The following FBXO34 variants were observed in gnomAD, a reference collection of about 807,000 sequenced individuals.
FBXO34 encodes F-box only protein 34.
A neutral mutation model predicts 24.5 loss-of-function variants in FBXO34; 12 were observed. That is an observed-to-expected ratio of 0.49 (90% confidence interval 0.31 to 0.79). FBXO34 has a LOEUF of 0.79. Among genes scored for constraint, FBXO34 ranks in the 30% least tolerant of loss-of-function variants. The pLI is 0.04. For synonymous variants in FBXO34, 320 were observed against 311.9 expected (o/e 1.03, Z -0.27); for missense variants, 823 against 857.7 (o/e 0.96, Z 0.51).
At chr14:55,442,637 G>A in the FBXO34 span, among the ~76,000 whole-genome samples, 1 of 152,048 alleles carries the variant, frequency 6.6e-6, no homozygotes, top group African/African-American at 2.4e-5. Flanking sequence ...TAAGAATAAA[G>A]GAAACATTTT....
chr14:55,435,876 G>A, the FBXO34 span: 8 of 1,570,044 alleles, frequency 5.1e-6, no homozygotes, highest in Non-Finnish European at 6.9e-6. Flanking sequence ...TTTTTTGCAT[G>A]CAAAGCTATT....
At chr14:55,299,325 C>T in intron 1 of FBXO34, 1 of 599,180 alleles carries the variant, frequency 1.7e-6, no homozygotes, top group Non-Finnish European at 3.1e-6. Context: ...GACTCTCACT[C>T]CAAAGCAGTA....
chr14:55,350,631 A>G lies in FBXO34; in HGVS notation c.241A>G (p.Ser81Gly). The part of the protein sequence containing the change: ...CSMSGKSPVE[S>G]SLNVKTKKNA... ...TATGAGTGGGAAGAGTCCTGTAGAG[A>G]GCAGCTTGAATGTTAAAACCAAAAA... The change falls in exon 2 of 2, where the codon AGC becomes GGC. Residue 81 changes from serine to glycine, a missense_variant. Coordinates refer to ENST00000313833, the MANE Select transcript of FBXO34 (RefSeq NM_017943.4). The G allele has an allele frequency of 6.2e-7, 1 of 1,613,262 alleles. No homozygotes were observed. Among genetic ancestry groups the G allele is most frequent in the South Asian group, 1.1e-5 (1 of 90,946 alleles).
chr14:55,338,918 A>G (rs1255234065), intron 1 of FBXO34, among the ~76,000 whole-genome samples: 1 of 132,730 alleles, frequency 7.5e-6, no homozygotes, highest in Non-Finnish European at 1.7e-5. Flanking sequence ...AAACAAAAAA[A>G]AACAAAAAAA....
At chr14:55,389,282 A>C in the FBXO34 span, among the ~76,000 whole-genome samples, 1 of 152,364 alleles carries the variant, frequency 6.6e-6, no homozygotes, top group East Asian at 1.9e-4. Context: ...CAAAGCCCTG[A>C]ATATCATGGT....
chr14:55,307,170 A>G (rs1882578890), intron 1 of FBXO34, among the ~76,000 whole-genome samples: 2 of 152,234 alleles, frequency 1.3e-5, no homozygotes, highest in South Asian at 4.1e-4. Flanking sequence ...ATGGCTACAA[A>G]TAAAAGGGTG....
rs114649641 is a variant in FBXO34 at position 55,310,292 on chromosome 14, G to A, written c.-11+38755G>A. The stretch of plus-strand genomic sequence containing the variant: ...ATGTGGAAGTATGTTTGTTCTCTGT[G>A]CAAATTGGCAAAATTTAATTTGGCT... On this transcript the variant is annotated intron_variant, in intron 1 of 1. Coordinates refer to ENST00000313833, the MANE Select transcript of FBXO34 (RefSeq NM_017943.4). Among the ~76,000 whole-genome samples the A allele has an allele frequency of 4.6e-3, 695 of 152,304 alleles. 6 individuals are homozygous for A. The highest frequency in any genetic ancestry group is 0.016 in the African/African-American group (664 of 41,566).
the FBXO34 span, among the ~76,000 whole-genome samples, chr14:55,396,617 C>T: frequency 2.0e-5 from 3 of 152,212 alleles, no homozygotes; most frequent in African/African-American, 7.2e-5. Flanking sequence ...GGGGAGATGC[C>T]ACAAAAGAGA....
chr14:55,327,895 T>C (rs61975441), intron 1 of FBXO34, among the ~76,000 whole-genome samples: 7,047 of 148,014 alleles, frequency 0.048, 266 homozygotes, highest in Middle Eastern at 0.073. Flanking sequence ...TATGATTTTC[T>C]TTGTTGTTGT....
downstream of FBXO34, among the ~76,000 whole-genome samples, chr14:55,362,690 C>G (rs1485665783): frequency 6.6e-6 from 1 of 152,150 alleles, no homozygotes; most frequent in African/African-American, 2.4e-5. Context: ...AACTGCTGAT[C>G]ACAGAAGATA....
chr14:55,338,048 C>CTTTTTTTGTTTTTTTTTTTT (rs1883846861), intron 1 of FBXO34, among the ~76,000 whole-genome samples: 1 of 88,266 alleles, frequency 1.1e-5, no homozygotes, highest in Non-Finnish European at 2.1e-5. Flanking sequence ...GTATGTACTT[C>CTTTTTTTGTTTTTTTTTTTT]TTTTTTTTTT....
At chr14:55,300,728 C>G (rs1444304894) in intron 1 of FBXO34, among the ~76,000 whole-genome samples, 1 of 152,174 alleles carries the variant, frequency 6.6e-6, no homozygotes, top group African/African-American at 2.4e-5. Context: ...TAGAGGTGTG[C>G]TTAGCATATA....
intron 1 of FBXO34, among the ~76,000 whole-genome samples, chr14:55,308,582 TTACTC>T (rs1054222799): frequency 1.7e-4 from 26 of 152,352 alleles, no homozygotes; most frequent in African/African-American, 5.1e-4. Flanking sequence ...ATATTGTTCT[TTACTC>T]TCTATTGTAA....
At chr14:55,339,379 C>CG (rs1491437568) in intron 1 of FBXO34, 1 of 42,538 alleles carries the variant, frequency 2.4e-5, no homozygotes, top group African/African-American at 3.3e-4. Context: ...TAATCACCTG[C>CG]CCCCCCCCCC....
the FBXO34 span, chr14:55,433,506 T>G: frequency 1.1e-6 from 1 of 889,124 alleles, no homozygotes; most frequent in Non-Finnish European, 1.8e-6. Flanking sequence ...TTTCATTGAA[T>G]AAAGTCTTCA....
At chr14:55,314,708 CTTG>C (rs1351825634) in intron 1 of FBXO34, among the ~76,000 whole-genome samples, 1 of 151,918 alleles carries the variant, frequency 6.6e-6, no homozygotes, top group Admixed American at 6.6e-5. Context: ...AGAAAAAAAC[CTTG>C]TTGGAAAAAT....
downstream of FBXO34, chr14:55,369,738 AG>A: frequency 6.2e-7 from 1 of 1,613,856 alleles, no homozygotes; most frequent in Non-Finnish European, 8.5e-7. Context: ...TGACTCTGGG[AG>A]ACTTCCACAG....
the FBXO34 span, among the ~76,000 whole-genome samples, chr14:55,400,538 G>GTAA: frequency 5.9e-5 from 9 of 152,168 alleles, no homozygotes; most frequent in Non-Finnish European, 1.3e-4. Flanking sequence ...ACTATGATCA[G>GTAA]TAACGATACA....
intron 1 of FBXO34, among the ~76,000 whole-genome samples, chr14:55,336,150 T>C (rs554343008): frequency 1.3e-5 from 2 of 152,370 alleles, no homozygotes; most frequent in South Asian, 4.1e-4. Context: ...TATATGTATT[T>C]AATTAGGAAT....
Sources: allele counts gnomAD v4.1 joint callset (sites outside exome capture counted in the v4.1 genomes callset), GRCh38; gene constraint gnomAD v4.1.1; transcripts MANE v1.5; gene names NCBI Gene and HGNC (gene_info 2026-07-23, HGNC 2026-07-21).